PTPRF: variants seen among roughly 807,000 people sequenced by gnomAD.
PTPRF encodes the protein protein tyrosine phosphatase receptor type F, also known as receptor-type tyrosine-protein phosphatase F.
A neutral mutation model predicts 201.8 loss-of-function variants in PTPRF; 59 were observed. The ratio of observed to expected loss-of-function variants is 0.29; its 90% CI spans 0.24 to 0.36. PTPRF has a LOEUF of 0.36. PTPRF is among the 10% of genes least tolerant of loss of function. The pLI is 1.00. For missense variants in PTPRF, 2,132 were observed against 2,690.5 expected (o/e 0.79, Z 4.59); for synonymous variants, 1,088 against 1,089.7 (o/e 1.00, Z 0.03).
rs1052217493 is a variant in PTPRF at position 43,542,018 on chromosome 1, A to G, written c.-45-3013A>G. Among the ~76,000 whole-genome samples, 3 of 151,990 alleles carry G rather than the reference A, an allele frequency of 2.0e-5. No homozygotes were observed. Among genetic ancestry groups the G allele is most frequent in the Non-Finnish European group, 2.9e-5 (2 of 67,986 alleles). On this transcript the variant is annotated intron_variant, in intron 2 of 33. Transcript: ENST00000359947. This position sits in a 1 kb window ranked among gnomAD's most constrained non-coding sequence, Gnocchi z 5.2. ...GTTGCATGGATTCACAAGATGCTCAACCTCGCAACCGCAGTCAGGCTAGCA... is the reference window on the plus strand; with the variant it reads ...GTTGCATGGATTCACAAGATGCTCAGCCTCGCAACCGCAGTCAGGCTAGCA...
At chr1:43,576,848 A>C (rs555102131) in intron 6 of PTPRF, among the ~76,000 whole-genome samples, 2 of 152,316 alleles carry the variant, frequency 1.3e-5, no homozygotes, top group Admixed American at 1.3e-4. Flanking sequence ...TTCAGAGCTC[A>C]GGACCAGGAT....
intron 7 of PTPRF, chr1:43,579,790 G>A (rs1647189521): frequency 6.5e-6 from 1 of 152,784 alleles, no homozygotes; most frequent in Non-Finnish European, 1.5e-5. Flanking sequence ...AAGTTAAACT[G>A]TTGACCGGGT....
At chr1:43,576,278 C>G (rs1297101410) in intron 6 of PTPRF, among the ~76,000 whole-genome samples, 1 of 152,244 alleles carries the variant, frequency 6.6e-6, no homozygotes, top group African/African-American at 2.4e-5. Flanking sequence ...AGAAGAGCTT[C>G]CCTTGAGGTT....
chr1:43,550,772 TA>T (rs1234096855), intron 3 of PTPRF, among the ~76,000 whole-genome samples: 2 of 152,146 alleles, frequency 1.3e-5, no homozygotes, highest in Non-Finnish European at 2.9e-5. Context: ...GCAAGGGAGT[TA>T]CCCGGGAGTT....
chr1:43,532,275 C>G (rs1643640751), intron 1 of PTPRF, among the ~76,000 whole-genome samples: 1 of 152,206 alleles, frequency 6.6e-6, no homozygotes, highest in Non-Finnish European at 1.5e-5. Context: ...CCCCCCTGCC[C>G]CCCAGTGCAC....
intron 30 of PTPRF, 91 bp from the exon 31 acceptor site, chr1:43,620,363 C>G: frequency 6.6e-7 from 1 of 1,522,068 alleles, no homozygotes. Context: ...TTATTACTAC[C>G]TGAGGCATCT....
At chr1:43,541,292 G>A (rs763858398) in intron 2 of PTPRF, among the ~76,000 whole-genome samples, 9 of 152,234 alleles carry the variant, frequency 5.9e-5, no homozygotes, top group Non-Finnish European at 8.8e-5. Flanking sequence ...GCGTATTTAT[G>A]ATGAGGACTC....
chr1:43,603,320 C>G lies in PTPRF; in HGVS notation c.2341-96C>G. The G allele has an allele frequency of 9.0e-7, 1 of 1,105,078 alleles. No homozygotes were observed. 68.5% of individuals were successfully genotyped at this position (1,105,078 alleles called of 1,614,324 possible). A position where few individuals can be genotyped will look rare whatever the true frequency, so the allele number is the denominator to read the frequency against. ...CCACAACCCCTGGCCTTGTGTGCCC[C>G]GGGGCTCCCCTCAGGCTAGGGTCCT... is the stretch of plus-strand genomic sequence containing the variant. On this transcript the variant is annotated intron_variant, in intron 14 of 33. Coordinates refer to ENST00000359947, the MANE Select transcript of PTPRF (RefSeq NM_002840.5). The surrounding 1 kb of genome is among the most constrained non-coding windows in gnomAD (Gnocchi z 5.8).
intron 7 of PTPRF, chr1:43,579,161 T>A (rs745685768): frequency 1.5e-6 from 1 of 687,744 alleles, no homozygotes; most frequent in East Asian, 2.9e-5. Flanking sequence ...TTGGGAGCAT[T>A]TGTATCTTTT....
At chr1:43,617,322 TG>T in intron 23 of PTPRF, 122 bp from the exon 24 acceptor site, 1 of 1,394,980 alleles carries the variant, frequency 7.2e-7, no homozygotes, top group Non-Finnish European at 9.8e-7. Flanking sequence ...ATAGAGGGCC[TG>T]GCTGTGGCCT....
chr1:43,617,003 TGA>T (rs1255192512), intron 23 of PTPRF, among the ~76,000 whole-genome samples: 2 of 152,064 alleles, frequency 1.3e-5, no homozygotes, highest in Non-Finnish European at 2.9e-5. Context: ...CTGGACTACC[TGA>T]GAGGGGCCAC....
intron 3 of PTPRF, among the ~76,000 whole-genome samples, chr1:43,548,119 T>TG (rs970513124): frequency 1.0e-4 from 10 of 99,630 alleles, no homozygotes; most frequent in African/African-American, 1.5e-4. Context: ...CATTTGCTAA[T>TG]GGGGGGGTAT....
At chr1:43,620,409 T>A (rs568639) in intron 30 of PTPRF, 45 bp from the exon 31 acceptor site, 3 of 1,567,936 alleles carry the variant, frequency 1.9e-6, no homozygotes, top group African/African-American at 2.7e-5. Flanking sequence ...ACCCCTCCCC[T>A]ATTCCTTCTC....
chr1:43,593,406 G>C (rs772423694), intron 11 of PTPRF, among the ~76,000 whole-genome samples: 8 of 152,172 alleles, frequency 5.3e-5, no homozygotes, highest in Non-Finnish European at 1.0e-4. Flanking sequence ...TAGCCCCCCA[G>C]ACAGTAGACT....
rs771697712 is a variant in PTPRF at position 43,591,381 on chromosome 1, G to A, written c.1359G>A (p.Pro453=). The A allele has an allele frequency of 9.2e-5, 144 of 1,558,024 alleles. No individual in the cohort carries two copies. The highest frequency in any genetic ancestry group is 1.2e-4 in the Non-Finnish European group (137 of 1,152,550). The change falls in exon 9 of 34, where the codon CCG becomes CCA. Residue 453 remains proline (P), a synonymous_variant. Coordinates refer to ENST00000359947, the MANE Select transcript of PTPRF (RefSeq NM_002840.5). ...GGGGATACCGCGTCTACTATACTCC[G>A]GACTCCCGCCGCCCCCCGAACGCCT... ...LVRGYRVYYT[P]DSRRPPNAWH...
At chr1:43,562,568 G>A (rs1044480007) in intron 5 of PTPRF, among the ~76,000 whole-genome samples, 4 of 151,714 alleles carry the variant, frequency 2.6e-5, no homozygotes, top group Non-Finnish European at 4.4e-5. Flanking sequence ...CACCACGCCC[G>A]GCTAATTTTT....
chr1:43,543,032 G>A (rs761700709), intron 2 of PTPRF, among the ~76,000 whole-genome samples: 2 of 152,104 alleles, frequency 1.3e-5, no homozygotes, highest in Non-Finnish European at 2.9e-5. Context: ...CGATGATGCC[G>A]GTACGAGGCC....
intron 31 of PTPRF, 93 bp from the exon 32 acceptor site, chr1:43,620,745 C>T: frequency 6.5e-7 from 1 of 1,527,094 alleles, no homozygotes; most frequent in Non-Finnish European, 8.9e-7. Context: ...GACACAGATG[C>T]ATGCCTGTAT....
chr1:43,574,090 A>G (rs1024390918), intron 6 of PTPRF, among the ~76,000 whole-genome samples: 9 of 139,984 alleles, frequency 6.4e-5, no homozygotes, highest in Admixed American at 4.8e-4. Context: ...TCTGCCTCCC[A>G]GGTTCAAGCA....
Sources: gnomAD v4.1 joint callset for allele counts (sites outside exome capture counted in the v4.1 genomes callset) on GRCh38, gnomAD v4.1.1 for gene constraint, Gnocchi (gnomAD v3.1) non-coding constraint, MANE v1.5 for transcripts, NCBI Gene and HGNC (gene_info 2026-07-23, HGNC 2026-07-21) for gene names.